CTNNA3: variants seen among roughly 807,000 people sequenced by gnomAD.
CTNNA3 encodes the protein catenin alpha-3.
In CTNNA3, 76 loss-of-function variants were observed where a neutral mutation model predicts 95.7. The ratio of observed to expected loss-of-function variants is 0.79; its 90% CI spans 0.66 to 0.96. CTNNA3 has a LOEUF of 0.96. Ranked by LOEUF, CTNNA3 falls within the 40% of genes least tolerant of loss-of-function variation. The probability of loss-of-function intolerance (pLI) is 0.00; values close to 1 mark genes in which losing one functional copy is unlikely to be tolerated. For missense variants in CTNNA3, 1,191 were observed against 1,089.8 expected (o/e 1.09, Z -1.31); for synonymous variants, 431 against 374.4 (o/e 1.15, Z -1.74).
At chr10:67,073,418 G>A (rs1383765074) in intron 7 of CTNNA3, among the ~76,000 whole-genome samples, 1 of 151,726 alleles carries the variant, frequency 6.6e-6, no homozygotes, top group Non-Finnish European at 1.5e-5. Flanking sequence ...TTTTCCTTCA[G>A]TCTAAATATC....
chr10:67,404,741 T>C (rs1845069280), intron 5 of CTNNA3, among the ~76,000 whole-genome samples: 1 of 151,798 alleles, frequency 6.6e-6, no homozygotes, highest in African/African-American at 2.4e-5. Flanking sequence ...AAGAAGATCG[T>C]CCCCAAAACA....
chr10:66,238,758 T>C (rs987774865), intron 13 of CTNNA3, among the ~76,000 whole-genome samples: 1 of 151,944 alleles, frequency 6.6e-6, no homozygotes, highest in Non-Finnish European at 1.5e-5. Flanking sequence ...GTGATAAGAC[T>C]ACAAATGATT....
At chr10:67,245,672 A>G (rs1332424125) in intron 5 of CTNNA3, among the ~76,000 whole-genome samples, 1 of 152,110 alleles carries the variant, frequency 6.6e-6, no homozygotes, top group African/African-American at 2.4e-5. Context: ...ATCCTGGCCA[A>G]CATTGTGAAA....
At chr10:67,601,541 A>G (rs1437410695) in intron 3 of CTNNA3, among the ~76,000 whole-genome samples, 2 of 152,266 alleles carry the variant, frequency 1.3e-5, no homozygotes, top group South Asian at 2.1e-4. Context: ...TCCACGACCC[A>G]GGGTTGGGGA....
chr10:66,904,826 A>G (rs1845914623), intron 7 of CTNNA3, among the ~76,000 whole-genome samples: 1 of 152,226 alleles, frequency 6.6e-6, no homozygotes, highest in South Asian at 2.1e-4. Flanking sequence ...ATGAGATACC[A>G]TCTCATGCCA....
At chr10:66,101,166 T>C (rs1341068505) in intron 14 of CTNNA3, among the ~76,000 whole-genome samples, 51 of 152,160 alleles carry the variant, frequency 3.4e-4, no homozygotes, top group Admixed American at 3.1e-3. Flanking sequence ...TTTCCACTCA[T>C]AAGATGTGAT....
chr10:66,484,487 A>T (rs1473407472), intron 11 of CTNNA3, among the ~76,000 whole-genome samples: 1 of 152,104 alleles, frequency 6.6e-6, no homozygotes, highest in Non-Finnish European at 1.5e-5. Flanking sequence ...GTCTGAAAAC[A>T]TGCATGGACA....
chr10:66,872,240 T>C (rs980817157), intron 7 of CTNNA3, among the ~76,000 whole-genome samples: 3 of 152,224 alleles, frequency 2.0e-5, no homozygotes, highest in African/African-American at 7.2e-5. Context: ...GCAGGTGTTG[T>C]TAACCACATT....
chr10:66,349,849 T>C (rs1344194003), intron 12 of CTNNA3, among the ~76,000 whole-genome samples: 1 of 152,002 alleles, frequency 6.6e-6, no homozygotes, highest in Non-Finnish European at 1.5e-5. Context: ...CCAAAACAAA[T>C]ATACTCATCA....
chr10:67,116,729 T>A (rs929725184), intron 7 of CTNNA3, among the ~76,000 whole-genome samples: 2 of 147,656 alleles, frequency 1.4e-5, no homozygotes, highest in African/African-American at 4.9e-5. Context: ...AAAATATATA[T>A]ATATATATAT....
intron 7 of CTNNA3, among the ~76,000 whole-genome samples, chr10:66,907,969 A>C (rs1427114316): frequency 6.6e-6 from 1 of 152,208 alleles, no homozygotes. Flanking sequence ...TTTGTAGAGA[A>C]GTTACATTAT....
At chr10:66,466,689 C>T (rs1838930773) in intron 11 of CTNNA3, among the ~76,000 whole-genome samples, 1 of 152,048 alleles carries the variant, frequency 6.6e-6, no homozygotes, top group African/African-American at 2.4e-5. Context: ...TCTAAATCCT[C>T]ACAACACAAG....
chr10:66,603,295 G>C (rs1258802474), intron 10 of CTNNA3, among the ~76,000 whole-genome samples: 2 of 151,930 alleles, frequency 1.3e-5, no homozygotes, highest in Non-Finnish European at 2.9e-5. Flanking sequence ...CAAACTAACA[G>C]TGATCAATCT....
At chr10:67,722,269 T>C (rs749182391) in intron 1 of CTNNA3, among the ~76,000 whole-genome samples, 3 of 152,186 alleles carry the variant, frequency 2.0e-5, no homozygotes, top group Non-Finnish European at 4.4e-5. Flanking sequence ...AGAGAAAGGC[T>C]GATAGGGAAG....
Position 66,056,888 on chromosome 10 carries a change from G to C in CTNNA3, c.2159+12420C>G, listed in dbSNP as rs141395113. On this transcript the variant is annotated intron_variant, in intron 15 of 17. Coordinates refer to ENST00000433211, the MANE Select transcript of CTNNA3 (RefSeq NM_013266.4). ...TTGACCATAACCTCTGCAGCAACCA[G>C]TCCTGGAAATTAAACCACAGCTTAT... Among the ~76,000 whole-genome samples the C allele has an allele frequency of 1.1e-4, 16 of 152,242 alleles. No homozygotes were observed. The East Asian group carries it at 3.1e-3, about 29-fold the overall frequency.
At chr10:66,645,265 G>A (rs4746613) in intron 9 of CTNNA3, among the ~76,000 whole-genome samples, 100,662 of 151,870 alleles carry the variant, frequency 0.66, 34,243 homozygotes, top group East Asian at 0.95. Flanking sequence ...TGGTATCAAG[G>A]ACTCTGCCTA....
intron 7 of CTNNA3, among the ~76,000 whole-genome samples, chr10:66,947,027 GC>G (rs1848308592): frequency 1.3e-5 from 2 of 151,922 alleles, no homozygotes; most frequent in South Asian, 4.2e-4. Context: ...TTTTTAAGTT[GC>G]CCTTGTTTTC....
At chr10:67,584,365 G>A (rs1408584903) in intron 3 of CTNNA3, among the ~76,000 whole-genome samples, 1 of 152,164 alleles carries the variant, frequency 6.6e-6, no homozygotes, top group East Asian at 1.9e-4. Flanking sequence ...TATCAACAGT[G>A]GAGGCTACAG....
At chr10:67,627,555 T>C (rs1838999641) in intron 2 of CTNNA3, among the ~76,000 whole-genome samples, 1 of 152,166 alleles carries the variant, frequency 6.6e-6, no homozygotes, top group Non-Finnish European at 1.5e-5. Flanking sequence ...CTTAAGGACA[T>C]GTTATGTTAA....
Sources: gnomAD v4.1 joint callset for allele counts (sites outside exome capture counted in the v4.1 genomes callset) on GRCh38, gnomAD v4.1.1 for gene constraint, MANE v1.5 for transcripts, NCBI Gene and HGNC (gene_info 2026-07-23, HGNC 2026-07-21) for gene names.